Variants in GALP observed in about 807,000 individuals in gnomAD.
GALP encodes galanin like peptide, also known as galanin-like peptide.
Under a neutral mutation model 15.2 loss-of-function variants are expected in GALP, and 12 were observed. The observed-to-expected ratio is 0.79, with a 90% CI of 0.51 to 1.28. GALP has a LOEUF of 1.28. Among genes scored for constraint, GALP ranks in the 50% most tolerant of loss-of-function variants. The probability of loss-of-function intolerance (pLI) is 0.00; values close to 1 mark genes in which losing one functional copy is unlikely to be tolerated. For missense variants in GALP, 161 were observed against 145.6 expected (o/e 1.11, Z -0.55); for synonymous variants, 58 against 55.1 (o/e 1.05, Z -0.23).
chr19:56,184,470 TTTC>T, intron 5 of GALP, among the ~76,000 whole-genome samples: 1 of 145,324 alleles, frequency 6.9e-6, no homozygotes, highest in East Asian at 2.0e-4. Flanking sequence ...AATCCTTTTT[TTTC>T]TTTTCTTTTT....
chr19:56,182,680 C>T lies in GALP; in HGVS notation c.217+428C>T, dbSNP rs115827741. 3.5e-3 allele frequency among the ~76,000 whole-genome samples: 529 copies of T among 152,160 alleles called. 3 individuals carry two copies. The highest frequency in any genetic ancestry group is 0.012 in the African/African-American group (499 of 41,514). On this transcript the variant is annotated intron_variant, in intron 4 of 5. Coordinates refer to ENST00000357330, the MANE Select transcript of GALP (RefSeq NM_033106.4). ...TCACGCCTGTCATCCATACTCAAGCCTCCGAGTAGCTGGGATTACAGGCAC... is the reference window on the plus strand; with the variant it reads ...TCACGCCTGTCATCCATACTCAAGCTTCCGAGTAGCTGGGATTACAGGCAC...
chr19:56,177,179 C>A lies in GALP; in HGVS notation c.71C>A (p.Ser24Tyr). ...CTGAGCCTGGCAGAGACTCCAGCAT[C>A]CGCACCTGCCCACCGGGTAACGCCT... ...LLLSLAETPA[S>Y]APAHRGRGGW... The change falls in exon 2 of 6, where the codon TCC becomes TAC. Residue 24 changes from serine (S) to tyrosine (Y), a missense_variant. Transcript: ENST00000357330. The A allele has an allele frequency of 6.2e-7, 1 of 1,613,468 alleles. No homozygotes were observed.
At chr19:56,185,191 A>G in intron 5 of GALP, 24 bp from the exon 6 acceptor site, 1 of 1,551,382 alleles carries the variant, frequency 6.4e-7, no homozygotes, top group Non-Finnish European at 8.9e-7. Flanking sequence ...AACCATTCAA[A>G]GTTTACCTCT....
chr19:56,183,267 G>A, intron 5 of GALP, 55 bp downstream of exon 5: 1 of 1,392,542 alleles, frequency 7.2e-7, no homozygotes, highest in Non-Finnish European at 1.0e-6. Flanking sequence ...GAACAAGGAA[G>A]TGGCAGGCAG....
chr19:56,176,093 CGG>C (rs2032450840), intron 1 of GALP, 31 bp downstream of exon 1: 1 of 145,070 alleles, frequency 6.9e-6, no homozygotes, highest in African/African-American at 2.9e-5. Flanking sequence ...GGCAGAGGGG[CGG>C]ATCCCAGCTG....
rs1225480143 is a variant in GALP, at chr19:56,185,493, T to C, written c.*223T>C. 4.4e-5 allele frequency: 18 copies of C among 405,308 alleles called. No individual in the cohort carries two copies. The highest frequency in any genetic ancestry group is 8.4e-5 in the East Asian group (2 of 23,910). 25.1% of individuals were successfully genotyped at this position (405,308 alleles called of 1,614,324 possible). The stretch of plus-strand genomic sequence containing the variant: ...TATAATGTGCTATTAATGGAACCAA[T>C]AGTAATTCGAGGACTAGTTGGGAGA... On this transcript the variant is annotated 3_prime_UTR_variant, in exon 6 of 6. Coordinates refer to ENST00000357330, the MANE Select transcript of GALP (RefSeq NM_033106.4).
intron 2 of GALP, among the ~76,000 whole-genome samples, chr19:56,179,826 G>T (rs1360165579): frequency 6.6e-6 from 1 of 151,988 alleles, no homozygotes; most frequent in Non-Finnish European, 1.5e-5. Context: ...TATTGAGACG[G>T]AGTCTCACTC....
At chr19:56,184,288 T>C (rs552887959) in intron 5 of GALP, among the ~76,000 whole-genome samples, 1 of 152,170 alleles carries the variant, frequency 6.6e-6, no homozygotes, top group Non-Finnish European at 1.5e-5. Context: ...GCACAATGCA[T>C]GACGCATAGT....
intron 2 of GALP, among the ~76,000 whole-genome samples, chr19:56,177,442 C>T (rs928158384): frequency 2.1e-5 from 3 of 145,898 alleles, no homozygotes; most frequent in African/African-American, 5.1e-5. Context: ...ACCTGGCAGG[C>T]GGAGGTTGCA....
chr19:56,179,543 C>T (rs915510168), intron 2 of GALP, among the ~76,000 whole-genome samples: 1 of 151,398 alleles, frequency 6.6e-6, no homozygotes, highest in Non-Finnish European at 1.5e-5. Context: ...TGGTCTCGAT[C>T]TCCTGACCTC....
intron 3 of GALP, among the ~76,000 whole-genome samples, chr19:56,180,865 ATC>A (rs367651710): frequency 1.5e-5 from 2 of 136,252 alleles, no homozygotes; most frequent in African/African-American, 2.8e-5. Context: ...TGCAACCTTG[ATC>A]TCTCTCTCTC....
rs1375844578 is a variant in GALP at position 56,183,346 on chromosome 19, A to G, written c.295+134A>G. On this transcript the variant is annotated intron_variant, in intron 5 of 5. Coordinates refer to ENST00000357330, the MANE Select transcript of GALP (RefSeq NM_033106.4). The stretch of plus-strand genomic sequence containing the variant: ...CAGGGACCTCCTCACCTGTAACCAC[A>G]GCCACTACCCCGACCACTCAGCCTC... The G allele has an allele frequency of 8.4e-6, 6 of 712,150 alleles. No homozygotes were observed. In the Admixed American group the frequency reaches 1.3e-4, roughly 15 times the overall value. The allele number at this position is 712,150 out of a possible 1,614,324, so 44.1% of individuals were successfully genotyped here. A position where few individuals can be genotyped will look rare whatever the true frequency, so the allele number is the denominator to read the frequency against.
intron 1 of GALP, among the ~76,000 whole-genome samples, 186 bp downstream of exon 1, chr19:56,176,248 G>C (rs1352264382): frequency 7.7e-5 from 11 of 143,256 alleles, no homozygotes; most frequent in East Asian, 2.2e-4. Flanking sequence ...AGGGGCGGAT[G>C]CCAGCTGCAG....
intron 2 of GALP, among the ~76,000 whole-genome samples, chr19:56,178,097 C>T (rs73617540): frequency 0.13 from 19,037 of 151,594 alleles, 1,307 homozygotes; most frequent in African/African-American, 0.17. Flanking sequence ...GGAGTCACTC[C>T]GCAGTGTAGC....
intron 2 of GALP, among the ~76,000 whole-genome samples, chr19:56,179,975 C>T (rs10423376): frequency 0.028 from 4,186 of 151,954 alleles, 117 homozygotes; most frequent in African/African-American, 0.07. Flanking sequence ...TTAGTAGAGA[C>T]GAGGTTGGCC....
At position 56,185,169 on chromosome 19, in the gene GALP, G is replaced by A. The variant is rs200497477; in HGVS notation, c.296-46G>A. ...TACAAAAATTAGCTGGGTGGGGAGT[G>A]ATAGTGAGAAAAACCATTCAAAGTT... On this transcript the variant is annotated intron_variant, in intron 5 of 5. Transcript: ENST00000357330. The A allele has an allele frequency of 4.5e-5, 56 of 1,256,728 alleles. 1 individual carries two copies. The Middle Eastern group carries it at 3.2e-3, about 71-fold the overall frequency. 77.8% of individuals were successfully genotyped at this position (1,256,728 alleles called of 1,614,324 possible).
chr19:56,182,769 G>T (rs2032588482), intron 4 of GALP, among the ~76,000 whole-genome samples: 1 of 152,144 alleles, frequency 6.6e-6, no homozygotes, highest in African/African-American at 2.4e-5. Flanking sequence ...TGTTGGCCAG[G>T]CTGGTCTTGA....
At chr19:56,184,844 C>T (rs114469616) in intron 5 of GALP, among the ~76,000 whole-genome samples, 2,029 of 152,222 alleles carry the variant, frequency 0.013, 38 homozygotes, top group African/African-American at 0.044. Context: ...AGCACTAATT[C>T]ATTTCAAAAG....
chr19:56,176,012 G>A lies in GALP; in HGVS notation c.-90G>A, dbSNP rs72490747. 8,066 of 172,460 alleles carry A rather than the reference G, an allele frequency of 0.047. 803 individuals carry two copies. The highest frequency in any genetic ancestry group is 0.38 in the East Asian group (1,917 of 5,046). The allele number at this position is 172,460 out of a possible 1,614,324, so 10.7% of individuals were successfully genotyped here. A position where few individuals can be genotyped will look rare whatever the true frequency, so the allele number is the denominator to read the frequency against. The stretch of plus-strand genomic sequence containing the variant: ...TCAGGGGGCGTGAAAGAGTCCAGGC[G>A]CTGGAGCGAGGAGCCAGAGAGAGCT... On this transcript the variant is annotated 5_prime_UTR_variant, in exon 1 of 6. Coordinates refer to ENST00000357330, the MANE Select transcript of GALP (RefSeq NM_033106.4).
Sources: allele counts gnomAD v4.1 joint callset (sites outside exome capture counted in the v4.1 genomes callset), GRCh38; gene constraint gnomAD v4.1.1; transcripts MANE v1.5; gene names NCBI Gene and HGNC (gene_info 2026-07-23, HGNC 2026-07-21).